Variants in STRIP2 observed in about 807,000 individuals in gnomAD.
The protein encoded by STRIP2 is striatin-interacting protein 2.
STRIP2 carries 84 observed loss-of-function variants against 107.1 expected under a neutral mutation model. That is an observed-to-expected ratio of 0.78 (90% CI 0.66 to 0.94). The LOEUF is 0.94. STRIP2 is among the 40% of genes least tolerant of loss of function. STRIP2 has a pLI of 0.00. For missense variants in STRIP2, 888 were observed against 1,034.2 expected (o/e 0.86, Z 1.94); for synonymous variants, 394 against 400.4 (o/e 0.98, Z 0.19).
At chr7:129,484,495 T>C (rs1472724641) in intron 20 of STRIP2, 3 of 152,230 alleles carry the variant, frequency 2.0e-5, no homozygotes, top group African/African-American at 7.2e-5. Context: ...AGAGTTCAGA[T>C]AACTCTACTT....
chr7:129,464,229 C>A, intron 15 of STRIP2, 88 bp downstream of exon 15: 1 of 983,192 alleles, frequency 1.0e-6, no homozygotes, highest in Admixed American at 1.9e-5. Context: ...TTAACACTTA[C>A]AGAGATTGTC....
In STRIP2 at chr7:129,458,119, C is replaced by T. The variant is rs1798416335; in HGVS notation, c.1039-96C>T. On this transcript the variant is annotated intron_variant, in intron 9 of 20. Coordinates refer to ENST00000249344, the MANE Select transcript of STRIP2 (RefSeq NM_020704.3). This position sits in a 1 kb window ranked among gnomAD's most constrained non-coding sequence, Gnocchi z 4.6. ...AGGGCTGTGTTCAGATTCCATGTTC[C>T]CTGAAATGTGGAGGCCTGTGGATAT... 1 of 916,556 alleles carries T rather than the reference C, an allele frequency of 1.1e-6. No homozygotes were observed. 56.8% of individuals were successfully genotyped at this position (916,556 alleles called of 1,614,324 possible).
chr7:129,471,462 G>T (rs1383201520), intron 18 of STRIP2, among the ~76,000 whole-genome samples: 1 of 152,140 alleles, frequency 6.6e-6, no homozygotes, highest in East Asian at 1.9e-4. Context: ...TATCCTTAGA[G>T]TCTAGCACTT....
rs568736780 is a variant in STRIP2 at position 129,472,684 on chromosome 7, A to C, written c.1944+1969A>C. ...TCAGAAAAACACTAATGTTCATATGAGTAAGATATATCTGTTTTTTTCAGG... is the reference window on the plus strand; with the variant it reads ...TCAGAAAAACACTAATGTTCATATGCGTAAGATATATCTGTTTTTTTCAGG... On this transcript the variant is annotated intron_variant, in intron 18 of 20. Transcript: ENST00000249344. 6.6e-5 allele frequency among the ~76,000 whole-genome samples: 10 copies of C among 150,982 alleles called. No individual in the cohort carries two copies. The East Asian group carries it at 2.0e-3, about 30-fold the overall frequency.
chr7:129,476,477 G>T (rs1322354111), intron 18 of STRIP2, among the ~76,000 whole-genome samples: 1 of 147,274 alleles, frequency 6.8e-6, no homozygotes, highest in Non-Finnish European at 1.5e-5. Flanking sequence ...GCTGCCGGGC[G>T]GAGGGGCTCC....
intron 3 of STRIP2, among the ~76,000 whole-genome samples, chr7:129,446,700 G>A (rs955584202): frequency 3.3e-5 from 5 of 152,200 alleles, no homozygotes; most frequent in Non-Finnish European, 7.4e-5. Flanking sequence ...CAGGCTGGGG[G>A]AAAGAAGCCA....
chr7:129,479,972 C>T (rs906654856), intron 18 of STRIP2, among the ~76,000 whole-genome samples: 1 of 152,274 alleles, frequency 6.6e-6, no homozygotes, highest in African/African-American at 2.4e-5. Flanking sequence ...CAGACAGCAG[C>T]TCACTTCTAC....
intron 17 of STRIP2, among the ~76,000 whole-genome samples, chr7:129,467,884 G>A (rs542246559): frequency 4.5e-4 from 69 of 152,188 alleles, no homozygotes; most frequent in Middle Eastern, 3.4e-3. Context: ...CGAATTTACT[G>A]AGGTACATCA....
chr7:129,454,609 CA>C, intron 7 of STRIP2, 82 bp downstream of exon 7: 1 of 868,452 alleles, frequency 1.2e-6, no homozygotes, highest in Non-Finnish European at 1.9e-6. Flanking sequence ...GAGAGGCAGA[CA>C]GTCGTTTTTT....
At chr7:129,437,811 G>GTTTTT (rs1299449784) in intron 1 of STRIP2, among the ~76,000 whole-genome samples, 1 of 126,956 alleles carries the variant, frequency 7.9e-6, no homozygotes, top group Non-Finnish European at 1.7e-5. Flanking sequence ...GTTTTTTTTT[G>GTTTTT]TTTTTTTTTT....
Position 129,487,835 on chromosome 7 carries a change from C to G in STRIP2, c.*2006C>G, listed in dbSNP as rs919056115. On this transcript the variant is annotated 3_prime_UTR_variant, in exon 21 of 21. Coordinates refer to ENST00000249344, the MANE Select transcript of STRIP2 (RefSeq NM_020704.3). Reference sequence around the variant, plus strand: ...ATTTATGTCAAGAACAAAGAAATTGCCCTTTTAAAAGCATGTACGTGAATG... The same window carrying G: ...ATTTATGTCAAGAACAAAGAAATTGGCCTTTTAAAAGCATGTACGTGAATG... The G allele has an allele frequency of 3.3e-5, 5 of 152,032 alleles. No homozygotes were observed. Among genetic ancestry groups the G allele is most frequent in the Non-Finnish European group, 5.9e-5 (4 of 67,998 alleles). The allele number at this position is 152,032 out of a possible 1,614,324, so 9.4% of individuals were successfully genotyped here.
intron 8 of STRIP2, 111 bp from the exon 9 acceptor site, chr7:129,456,328 G>A: frequency 1.1e-6 from 1 of 891,476 alleles, no homozygotes; most frequent in African/African-American, 1.7e-5. Flanking sequence ...GAAAAGGTCT[G>A]AAGGGACTGG....
chr7:129,454,043 A>C, intron 5 of STRIP2, 99 bp from the exon 6 acceptor site: 2 of 1,112,092 alleles, frequency 1.8e-6, no homozygotes, highest in Admixed American at 4.0e-5. Context: ...CTGCCTAGCC[A>C]GGGAATGGCA....
chr7:129,467,276 CCT>C (rs1584959048), intron 16 of STRIP2, 72 bp from the exon 17 acceptor site: 1 of 1,056,068 alleles, frequency 9.5e-7, no homozygotes, highest in Non-Finnish European at 1.4e-6. Flanking sequence ...ATTTGTATTT[CCT>C]CTCTTTTTTT....
intron 8 of STRIP2, 87 bp downstream of exon 8, chr7:129,455,458 G>T (rs1798321162): frequency 1.3e-6 from 2 of 1,507,368 alleles, no homozygotes; most frequent in African/African-American, 2.8e-5. Flanking sequence ...CAGGAGGCTG[G>T]ATCCAGGGAG....
chr7:129,434,828 C>T (rs890727085), intron 1 of STRIP2, among the ~76,000 whole-genome samples: 1 of 152,256 alleles, frequency 6.6e-6, no homozygotes, highest in Non-Finnish European at 1.5e-5. Flanking sequence ...TGGCTTTCCC[C>T]CGCTGCGCGA....
chr7:129,478,604 A>G (rs1234183242), intron 18 of STRIP2, among the ~76,000 whole-genome samples: 1 of 152,232 alleles, frequency 6.6e-6, no homozygotes, highest in African/African-American at 2.4e-5. Context: ...TTGCAATACA[A>G]TATTAGGTAA....
intron 19 of STRIP2, among the ~76,000 whole-genome samples, chr7:129,482,285 A>G (rs1799136669): frequency 6.6e-6 from 1 of 151,224 alleles, no homozygotes; most frequent in African/African-American, 2.4e-5. Flanking sequence ...TTTATACCAT[A>G]TGCTTTGAAT....
intron 8 of STRIP2, among the ~76,000 whole-genome samples, chr7:129,455,969 A>G (rs1811528599): frequency 6.6e-6 from 1 of 152,090 alleles, no homozygotes; most frequent in South Asian, 2.1e-4. Flanking sequence ...AAGTTCTTAT[A>G]AATATGTGGT....
Sources: gnomAD v4.1 joint callset for allele counts (sites outside exome capture counted in the v4.1 genomes callset) on GRCh38, gnomAD v4.1.1 for gene constraint, Gnocchi (gnomAD v3.1) non-coding constraint, MANE v1.5 for transcripts, NCBI Gene and HGNC (gene_info 2026-07-23, HGNC 2026-07-21) for gene names.